CFAP47: variants seen among roughly 807,000 people sequenced by gnomAD.
The protein encoded by CFAP47 is cilia- and flagella-associated protein 47.
CFAP47 carries 29 observed loss-of-function variants against 148.1 expected under a neutral mutation model. That is an observed-to-expected ratio of 0.20 (90% CI 0.15 to 0.27). CFAP47 has a LOEUF of 0.27. Ranked by LOEUF, CFAP47 falls within the 10% of genes least tolerant of loss-of-function variation. The pLI, the probability that CFAP47 is intolerant of heterozygous loss-of-function variation, is 1.00. For missense variants in CFAP47, 1,872 were observed against 1,697.5 expected (o/e 1.10, Z -1.81); for synonymous variants, 664 against 577.3 (o/e 1.15, Z -2.15).
chrX:36,170,513 G>C (rs994839173), intron 39 of CFAP47, among the ~76,000 whole-genome samples: 3 of 107,262 alleles, frequency 2.8e-5, no homozygotes, highest in Non-Finnish European at 5.8e-5. Flanking sequence ...TGTTCTCATT[G>C]TCAATTCCCA....
At chrX:36,024,734 G>T (rs768129013) in intron 22 of CFAP47, among the ~76,000 whole-genome samples, 1 of 111,183 alleles carries the variant, frequency 9.0e-6, no homozygotes, top group Non-Finnish European at 1.9e-5. Flanking sequence ...GGGCAGTACC[G>T]TACTGCCACT....
At chrX:36,064,266 A>C (rs1227582138) in intron 26 of CFAP47, among the ~76,000 whole-genome samples, 1 of 112,031 alleles carries the variant, frequency 8.9e-6, no homozygotes, top group Non-Finnish European at 1.9e-5. Context: ...TAAGAATGAT[A>C]TCATATGGTA....
intron 56 of CFAP47, among the ~76,000 whole-genome samples, chrX:36,311,200 A>G (rs1480240040): frequency 9.0e-6 from 1 of 111,240 alleles, no homozygotes; most frequent in Non-Finnish European, 1.9e-5. Flanking sequence ...AGATAACTAT[A>G]TAACAAATCA....
chrX:36,344,082 G>C (rs1332102670), intron 57 of CFAP47, among the ~76,000 whole-genome samples: 3 of 108,091 alleles, frequency 2.8e-5, no homozygotes, highest in Non-Finnish European at 5.7e-5. Context: ...GCAATAAGTG[G>C]GGTGGGGGGA....
chrX:36,043,691 C>T (rs1406705381), intron 25 of CFAP47, among the ~76,000 whole-genome samples: 1 of 112,666 alleles, frequency 8.9e-6, no homozygotes, highest in African/African-American at 3.2e-5. Context: ...TTGTGGCTGC[C>T]TTCACAAGCT....
At chrX:36,205,148 C>T (rs1050995646) in intron 45 of CFAP47, 38 bp downstream of exon 45, 12 of 292,409 alleles carry the variant, frequency 4.1e-5, no homozygotes, top group African/African-American at 8.3e-5. Context: ...CTAAGTGTTC[C>T]GGGAATGATG....
chrX:36,184,558 G>C (rs1200007987), intron 40 of CFAP47, among the ~76,000 whole-genome samples: 1 of 111,676 alleles, frequency 9.0e-6, no homozygotes, highest in East Asian at 2.8e-4. Flanking sequence ...AGAAGAGCTT[G>C]GTTCAGAATT....
At chrX:36,308,531 A>G (rs1941368677) in intron 55 of CFAP47, among the ~76,000 whole-genome samples, 1 of 111,714 alleles carries the variant, frequency 9.0e-6, no homozygotes, top group African/African-American at 3.2e-5. Context: ...TAATTGAATG[A>G]ACTTTTGAAA....
In CFAP47 at chrX:36,137,996, A is replaced by G. The variant is rs1377711045; in HGVS notation, c.5359A>G (p.Lys1787Glu). The G allele has an allele frequency of 6.5e-6, 6 of 929,167 alleles. No homozygotes were observed. Among genetic ancestry groups the G allele is most frequent in the Non-Finnish European group, 7.8e-6 (5 of 643,942 alleles). The allele number at this position is 929,167 out of a possible 1,213,427, so 76.6% of individuals were successfully genotyped here. The change falls in exon 34 of 64, where the codon AAA (lysine) becomes GAA (glutamate). Residue 1787 changes from lysine to glutamate, a missense_variant. By Grantham distance (56) the Lys-to-Glu change is moderately conservative. Coordinates refer to ENST00000378653, the MANE Select transcript of CFAP47 (RefSeq NM_001304548.2). ...PSERWIVNFD[K>E]DLSDGLVFAT... Reference sequence around the variant, plus strand: ...TGAGAGATGGATAGTAAATTTTGACAAAGACCTTTCAGATGGTCTTGTTTT... The same window carrying G: ...TGAGAGATGGATAGTAAATTTTGACGAAGACCTTTCAGATGGTCTTGTTTT...
chrX:36,331,263 T>C (rs895783148), intron 57 of CFAP47, among the ~76,000 whole-genome samples: 62 of 111,774 alleles, frequency 5.5e-4, no homozygotes, highest in Middle Eastern at 9.3e-3. Flanking sequence ...TTGACTATTT[T>C]TTTTCTAATC....
chrX:35,993,927 A>T (rs1194425245), intron 18 of CFAP47, among the ~76,000 whole-genome samples: 1 of 111,811 alleles, frequency 8.9e-6, no homozygotes, highest in Non-Finnish European at 1.9e-5. Context: ...GCACACATAA[A>T]ATGTTTTACT....
At chrX:36,045,346 A>T (rs1406317578) in intron 25 of CFAP47, among the ~76,000 whole-genome samples, 1 of 111,402 alleles carries the variant, frequency 9.0e-6, no homozygotes, top group Non-Finnish European at 1.9e-5. Flanking sequence ...CAGGTGCAAG[A>T]CAAAGTCTCC....
chrX:35,933,894 T>G (rs979270694), intron 2 of CFAP47, among the ~76,000 whole-genome samples: 1 of 112,171 alleles, frequency 8.9e-6, no homozygotes, highest in African/African-American at 3.2e-5. Flanking sequence ...TCTATTCAAA[T>G]TTTTTGCCCA....
At chrX:36,083,547 A>G (rs113617130) in intron 29 of CFAP47, among the ~76,000 whole-genome samples, 3 of 111,867 alleles carry the variant, frequency 2.7e-5, no homozygotes, top group African/African-American at 9.7e-5. Flanking sequence ...TATTAAAATG[A>G]AAATGACTAT....
At chrX:36,127,725 G>A (rs1477503160) in intron 33 of CFAP47, among the ~76,000 whole-genome samples, 1 of 111,360 alleles carries the variant, frequency 9.0e-6, no homozygotes, top group Non-Finnish European at 1.9e-5. Flanking sequence ...CTATCCATAA[G>A]CATGGAATGT....
Position 35,926,036 on chromosome X carries a change from G to A in CFAP47, c.269G>A (p.Ser90Asn). ...CTGAAGTTCAAACTGATGTTGACCA[G>A]TCTGGATAAAGAACTTGCTTCTGGC... Reference protein sequence around the residue: ...VKPQFKLMLTSLDKELASGLQ... With the variant: ...VKPQFKLMLTNLDKELASGLQ... The change falls in exon 2 of 64, where the codon AGT becomes AAT. Residue 90 changes from serine (S) to asparagine (N), a missense_variant. By Grantham distance (46) the Ser-to-Asn change is conservative. Transcript: ENST00000378653. The A allele has an allele frequency of 8.3e-7, 1 of 1,206,027 alleles. No individual in the cohort carries two copies. The highest frequency in any genetic ancestry group is 1.8e-5 in the South Asian group (1 of 56,026).
chrX:35,995,983 G>C (rs1290346320), intron 18 of CFAP47, among the ~76,000 whole-genome samples: 1 of 111,601 alleles, frequency 9.0e-6, no homozygotes, highest in Non-Finnish European at 1.9e-5. Context: ...ACGCAAGGGA[G>C]AGAGGGAGTT....
Position 36,048,332 on chromosome X carries a change from T to C in CFAP47, c.4217+1269T>C, listed in dbSNP as rs745662525. 2.7e-5 allele frequency among the ~76,000 whole-genome samples: 3 copies of C among 112,018 alleles called. No individual in the cohort carries two copies. The South Asian group carries it at 1.1e-3, about 42-fold the overall frequency. On this transcript the variant is annotated intron_variant, in intron 26 of 63. Transcript: ENST00000378653. ...AGAAAGGGGGCAAATCCTTGATGGA[T>C]GTCAGTGTGTTAGGTTTTTTGCCCT... is the stretch of plus-strand genomic sequence containing the variant.
chrX:35,977,110 T>C (rs1936582044), intron 15 of CFAP47, among the ~76,000 whole-genome samples: 1 of 112,135 alleles, frequency 8.9e-6, no homozygotes, highest in Non-Finnish European at 1.9e-5. Flanking sequence ...TTGTTTTATG[T>C]ACATGTTGTG....
Sources: gnomAD v4.1 joint callset for allele counts (sites outside exome capture counted in the v4.1 genomes callset) on GRCh38, gnomAD v4.1.1 for gene constraint, MANE v1.5 for transcripts, NCBI Gene and HGNC (gene_info 2026-07-23, HGNC 2026-07-21) for gene names.